TFG: variants seen among roughly 807,000 people sequenced by gnomAD.
TFG encodes trafficking from ER to golgi regulator.
In TFG, 22 loss-of-function variants were observed where a neutral mutation model predicts 51.4. The ratio of observed to expected loss-of-function variants is 0.43; its 90% CI spans 0.31 to 0.61. The LOEUF is 0.61. TFG is among the 20% of genes least tolerant of loss of function. The probability of loss-of-function intolerance (pLI) is 0.12; values close to 1 mark genes in which losing one functional copy is unlikely to be tolerated. For missense variants in TFG, 419 were observed against 487.7 expected (o/e 0.86, Z 1.33); for synonymous variants, 187 against 165.6 (o/e 1.13, Z -0.99).
intron 2 of TFG, among the ~76,000 whole-genome samples, chr3:100,718,133 C>A (rs898059191): frequency 6.6e-5 from 10 of 152,154 alleles, no homozygotes; most frequent in Non-Finnish European, 1.3e-4. Context: ...CACTGTGTTG[C>A]CCAGGCTGGT....
Position 100,744,839 on chromosome 3 carries a change from T to C in TFG, c.728T>C (p.Met243Thr). The C allele has an allele frequency of 6.2e-7, 1 of 1,612,808 alleles. No individual in the cohort carries two copies. Among genetic ancestry groups the C allele is most frequent in the Non-Finnish European group, 8.5e-7 (1 of 1,178,982 alleles). Residue 243 changes from methionine to threonine, a missense_variant, in exon 7 of 8, where the codon ATG becomes ACG. By Grantham distance (81) the Met-to-Thr change is moderately conservative. Around this residue, in one of 3 missense-constraint regions of TFG, gnomAD observed 391 missense variants for 434.4 expected, o/e 0.90. Coordinates refer to ENST00000240851, the MANE Select transcript of TFG (RefSeq NM_006070.6). The stretch of plus-strand genomic sequence containing the variant: ...TGTGTGTGTGTGTTTTCAGGTCAGA[T>C]GTACCAACAGTACCAGCAACAGGCC... ...QTQAGQIEGQMYQQYQQQAGY... is the reference protein window; with the variant it reads ...QTQAGQIEGQTYQQYQQQAGY...
intron 1 of TFG, among the ~76,000 whole-genome samples, chr3:100,712,667 T>A (rs928497698): frequency 6.6e-6 from 1 of 152,224 alleles, no homozygotes; most frequent in Admixed American, 6.5e-5. Flanking sequence ...TCTGGGAATA[T>A]GGAAAACATA....
At chr3:100,731,723 A>G (rs2095092147) in intron 4 of TFG, among the ~76,000 whole-genome samples, 1 of 151,850 alleles carries the variant, frequency 6.6e-6, no homozygotes, top group African/African-American at 2.4e-5. Flanking sequence ...TGCCTAGCTA[A>G]TTTTTGTATT....
At chr3:100,729,515 T>C (rs1049694470) in intron 4 of TFG, among the ~76,000 whole-genome samples, 1 of 152,214 alleles carries the variant, frequency 6.6e-6, no homozygotes, top group African/African-American at 2.4e-5. Context: ...TGTTAATGAC[T>C]TGAAAGTACA....
Position 100,748,662 on chromosome 3 carries a change from G to A in TFG, c.*131G>A. ...AGCATTTTTTATGATATCATTGTTG[G>A]TGTTAATTGAAAGTATAATTTGCTG... On this transcript the variant is annotated 3_prime_UTR_variant, in exon 8 of 8. Transcript: ENST00000240851. 9.5e-7 allele frequency: 1 copy of A among 1,058,174 alleles called. No homozygotes were observed. Among genetic ancestry groups the A allele is most frequent in the Non-Finnish European group, 1.3e-6 (1 of 770,268 alleles). 65.5% of individuals were successfully genotyped at this position (1,058,174 alleles called of 1,614,324 possible).
chr3:100,718,138 G>T (rs1420199783), intron 2 of TFG, among the ~76,000 whole-genome samples: 1 of 151,990 alleles, frequency 6.6e-6, no homozygotes, highest in Non-Finnish European at 1.5e-5. Context: ...TGTTGCCCAG[G>T]CTGGTCCTGA....
chr3:100,724,614 G>A (rs370243114), intron 3 of TFG, among the ~76,000 whole-genome samples: 7 of 152,102 alleles, frequency 4.6e-5, no homozygotes, highest in African/African-American at 1.7e-4. Context: ...ATTTTGTGGG[G>A]TTAATATAAC....
At chr3:100,748,029 G>A (rs2095150898) in intron 7 of TFG, 120 bp from the exon 8 acceptor site, 1 of 886,148 alleles carries the variant, frequency 1.1e-6, no homozygotes, top group African/African-American at 1.7e-5. Context: ...CACTCTGCTT[G>A]TTACATACAT....
intron 3 of TFG, among the ~76,000 whole-genome samples, chr3:100,720,906 G>A (rs966853979): frequency 6.6e-6 from 1 of 151,914 alleles, no homozygotes; most frequent in African/African-American, 2.4e-5. Flanking sequence ...CACTTTTTCC[G>A]GCTGTTTTGT....
chr3:100,740,784 AT>A (rs556890022), intron 6 of TFG, among the ~76,000 whole-genome samples: 136 of 151,938 alleles, frequency 9.0e-4, no homozygotes, highest in African/African-American at 2.9e-3. Flanking sequence ...TTTCCCCTTA[AT>A]TTTTTTTATT....
chr3:100,719,857 AGTCCAACTATGTTCTACAATCT>A, intron 2 of TFG, 96 bp from the exon 3 acceptor site: 1 of 573,044 alleles, frequency 1.7e-6, no homozygotes, highest in Non-Finnish European at 3.0e-6. Context: ...TCTATGGGAG[AGTCCAACTATGTTCTACAATCT>A]ACATTTTGGA....
chr3:100,746,762 A>G (rs1415157771), intron 7 of TFG, among the ~76,000 whole-genome samples: 2 of 152,040 alleles, frequency 1.3e-5, no homozygotes, highest in Admixed American at 1.3e-4. Flanking sequence ...TTAAAAAAAA[A>G]CAATTCAGAT....
intron 7 of TFG, 44 bp from the exon 8 acceptor site, chr3:100,748,105 T>C (rs1452783222): frequency 6.4e-7 from 1 of 1,567,672 alleles, no homozygotes; most frequent in Non-Finnish European, 8.6e-7. Context: ...GAAAAGTAGT[T>C]TTACTAAAAG....
At chr3:100,745,960 C>G (rs1285520014) in intron 7 of TFG, among the ~76,000 whole-genome samples, 1 of 152,128 alleles carries the variant, frequency 6.6e-6, no homozygotes, top group Non-Finnish European at 1.5e-5. Flanking sequence ...TTTGCTGACT[C>G]CTGACCTAGA....
chr3:100,716,212 T>G (rs1225641724), intron 2 of TFG, among the ~76,000 whole-genome samples: 2 of 152,194 alleles, frequency 1.3e-5, no homozygotes, highest in Non-Finnish European at 2.9e-5. Flanking sequence ...TCCCTATCCC[T>G]CTTTTCCCCT....
chr3:100,748,590 A>G lies in TFG; in HGVS notation c.*59A>G, dbSNP rs1206723360. ...AGCTATTGGCCTCCCAAAAGACTCC[A>G]GTACTATTTTAATTTGTATTGAAGA... On this transcript the variant is annotated 3_prime_UTR_variant, in exon 8 of 8. Coordinates refer to ENST00000240851, the MANE Select transcript of TFG (RefSeq NM_006070.6). 21 of 1,489,958 alleles carry G rather than the reference A, an allele frequency of 1.4e-5. No individual in the cohort carries two copies. Among genetic ancestry groups the G allele is most frequent in the Non-Finnish European group, 1.5e-5 (17 of 1,112,616 alleles). 92.3% of individuals were successfully genotyped at this position (1,489,958 alleles called of 1,614,324 possible).
chr3:100,739,105 T>C (rs1256418192), intron 6 of TFG, among the ~76,000 whole-genome samples: 1 of 152,202 alleles, frequency 6.6e-6, no homozygotes, highest in Non-Finnish European at 1.5e-5. Context: ...GCATGAATTA[T>C]AGGCTACTTT....
At chr3:100,720,299 T>C (rs1257009222) in intron 3 of TFG, among the ~76,000 whole-genome samples, 2 of 152,186 alleles carry the variant, frequency 1.3e-5, no homozygotes, top group Non-Finnish European at 2.9e-5. Flanking sequence ...TGAAATCAGG[T>C]ATAACTTAGG....
At chr3:100,723,249 A>C (rs999786711) in intron 3 of TFG, among the ~76,000 whole-genome samples, 35 of 152,292 alleles carry the variant, frequency 2.3e-4, no homozygotes, top group Non-Finnish European at 1.6e-4. Context: ...TTAATTGCAT[A>C]CTACATATGC....
Sources: allele counts gnomAD v4.1 joint callset (sites outside exome capture counted in the v4.1 genomes callset), GRCh38; gene constraint gnomAD v4.1.1; regional missense constraint gnomAD v4.1.1; transcripts MANE v1.5; gene names NCBI Gene and HGNC (gene_info 2026-07-23, HGNC 2026-07-21).